The following KAZN variants were observed in gnomAD, a reference collection of about 807,000 sequenced individuals.
The protein encoded by KAZN is kazrin.
In KAZN, 40 loss-of-function variants were observed where a neutral mutation model predicts 87.4. That is an observed-to-expected ratio of 0.46 (90% CI 0.36 to 0.60). The LOEUF (loss-of-function observed/expected upper bound fraction) is 0.60, where lower values mean the gene tolerates loss of function less well. Among genes scored for constraint, KAZN ranks in the 20% least tolerant of loss-of-function variants. The pLI, the probability that KAZN is intolerant of heterozygous loss-of-function variation, is 0.00. For missense variants in KAZN, 898 were observed against 1,073.9 expected (o/e 0.84, Z 2.29); for synonymous variants, 466 against 458.3 (o/e 1.02, Z -0.22).
At chr1:14,649,513 G>A (rs902277082) in intron 1 of KAZN, among the ~76,000 whole-genome samples, 1 of 151,928 alleles carries the variant, frequency 6.6e-6, no homozygotes, top group Non-Finnish European at 1.5e-5. Flanking sequence ...CATAGGCCAC[G>A]TTCACATTTT....
chr1:14,308,641 C>T (rs183213776), intron 2 of KAZN, among the ~76,000 whole-genome samples: 39 of 152,238 alleles, frequency 2.6e-4, no homozygotes, highest in Admixed American at 6.5e-4. Flanking sequence ...GCTGTGTGAC[C>T]TTGGGCAACA....
chr1:14,264,168 CTG>C lies in KAZN; in HGVS notation c.249+83580_249+83581del, dbSNP rs199757972. Among the ~76,000 whole-genome samples, 1,497 of 152,272 alleles carry C rather than the reference CTG, an allele frequency of 9.8e-3. 29 individuals carry two copies. Among genetic ancestry groups the C allele is most frequent in the African/African-American group, 0.032 (1,335 of 41,550 alleles). On this transcript the variant is annotated intron_variant, in intron 2 of 16. Transcript: ENST00000636203. ...AAACACGGCCAAAGTGGCAGCAGGA[CTG>C]TGTTTCTTTCTGCAGGTTCTAAACC...
Position 15,040,581 on chromosome 1 carries a change from C to A in KAZN, c.556-3408C>A, listed in dbSNP as rs553024728. Among the ~76,000 whole-genome samples the A allele has an allele frequency of 2.6e-5, 4 of 152,242 alleles. No homozygotes were observed. In the South Asian group the frequency reaches 8.3e-4, roughly 32 times the overall value. On this transcript the variant is annotated intron_variant, in intron 3 of 14. Coordinates refer to ENST00000376030, the MANE Select transcript of KAZN (RefSeq NM_201628.3). ...AGGAGTCCAACACCAGCCTGGCCAA[C>A]ATGACAAAAGCCTGCCTCTACTAAA...
intron 1 of KAZN, among the ~76,000 whole-genome samples, chr1:14,922,791 C>CAAAA (rs35903866): frequency 5.3e-5 from 4 of 75,522 alleles, no homozygotes; most frequent in Non-Finnish European, 5.2e-5. Flanking sequence ...GACTCTGTCT[C>CAAAA]AAAAAAAAAA....
intron 2 of KAZN, among the ~76,000 whole-genome samples, chr1:14,189,764 G>A (rs1646385506): frequency 6.6e-6 from 1 of 152,154 alleles, no homozygotes; most frequent in Admixed American, 6.5e-5. Flanking sequence ...GCCAGAGTGA[G>A]TGTGAGAAGT....
intron 2 of KAZN, among the ~76,000 whole-genome samples, chr1:14,499,155 T>C (rs1670105800): frequency 6.6e-6 from 1 of 152,072 alleles, no homozygotes; most frequent in Non-Finnish European, 1.5e-5. Context: ...CATGCCAAAG[T>C]GGACATCGGG....
chr1:14,532,308 A>T (rs1037321386), intron 2 of KAZN, among the ~76,000 whole-genome samples: 4 of 152,062 alleles, frequency 2.6e-5, no homozygotes, highest in African/African-American at 9.7e-5. Flanking sequence ...CTCACTCGTG[A>T]TGCTTAAGTC....
intron 2 of KAZN, among the ~76,000 whole-genome samples, chr1:14,422,628 C>T (rs1441699314): frequency 6.6e-6 from 1 of 152,198 alleles, no homozygotes; most frequent in African/African-American, 2.4e-5. Context: ...TGAAAACAGA[C>T]GATGCTTTAT....
At chr1:14,741,073 G>T (rs1644084146) in intron 1 of KAZN, among the ~76,000 whole-genome samples, 1 of 152,192 alleles carries the variant, frequency 6.6e-6, no homozygotes. Context: ...TCTCCCTTGT[G>T]CTACCATGGA....
chr1:15,089,971 G>A lies in KAZN; in HGVS notation c.1223-4209G>A, dbSNP rs141070849. Among the ~76,000 whole-genome samples, 1,265 of 152,278 alleles carry A rather than the reference G, an allele frequency of 8.3e-3. 19 individuals are homozygous for A. The highest frequency in any genetic ancestry group is 0.029 in the African/African-American group (1,209 of 41,548). ...GACAGTCCTTATCTCAAACATGCAA[G>A]CATGAGTTCCCCTCCTTCGTGATTT... On this transcript the variant is annotated intron_variant, in intron 8 of 14. Transcript: ENST00000376030.
chr1:15,067,830 G>T (rs1639319230), intron 8 of KAZN: 1 of 983,116 alleles, frequency 1.0e-6, no homozygotes. Context: ...TACGGAGACA[G>T]ATTTTAGAAA....
intron 1 of KAZN, among the ~76,000 whole-genome samples, chr1:14,756,269 T>C (rs1557457387): frequency 6.6e-6 from 1 of 152,328 alleles, no homozygotes; most frequent in East Asian, 1.9e-4. Context: ...AGCCTGTCTG[T>C]TCATCCTCCA....
chr1:14,004,214 G>T (rs536805771), intron 1 of KAZN, among the ~76,000 whole-genome samples: 31 of 152,098 alleles, frequency 2.0e-4, no homozygotes, highest in African/African-American at 7.5e-4. Context: ...GAAAATGACA[G>T]ATGATATCTA....
At chr1:14,841,387 CAGAGCA>C (rs1475315028) in intron 1 of KAZN, among the ~76,000 whole-genome samples, 1 of 118,732 alleles carries the variant, frequency 8.4e-6, no homozygotes, top group Non-Finnish European at 1.6e-5. Flanking sequence ...GCCTGGGCGA[CAGAGCA>C]AGACTCCGTC....
upstream of KAZN, among the ~76,000 whole-genome samples, chr1:14,596,278 C>G (rs2148588745): frequency 6.6e-6 from 1 of 150,414 alleles, no homozygotes; most frequent in South Asian, 2.1e-4. Context: ...GAGTGCTATA[C>G]CAGAGGTGTG....
intron 2 of KAZN, among the ~76,000 whole-genome samples, chr1:14,242,618 T>G (rs1258331158): frequency 3.3e-5 from 5 of 152,214 alleles, no homozygotes; most frequent in Non-Finnish European, 7.3e-5. Flanking sequence ...AGCATACTAT[T>G]GCAGGAGATG....
At chr1:14,514,579 TA>T (rs1671180049) in intron 2 of KAZN, among the ~76,000 whole-genome samples, 1 of 118,878 alleles carries the variant, frequency 8.4e-6, no homozygotes, top group Non-Finnish European at 1.6e-5. Flanking sequence ...ATATATTTTA[TA>T]TATTTTTTTA....
At chr1:14,350,652 C>T (rs1026037598) in intron 2 of KAZN, among the ~76,000 whole-genome samples, 8 of 152,190 alleles carry the variant, frequency 5.3e-5, no homozygotes, top group African/African-American at 1.2e-4. Flanking sequence ...AATGATCCAT[C>T]GAAGTGTCCA....
chr1:14,010,955 T>A (rs1440720591), intron 1 of KAZN, among the ~76,000 whole-genome samples: 1 of 152,192 alleles, frequency 6.6e-6, no homozygotes, highest in African/African-American at 2.4e-5. Context: ...TTCCCCTTTT[T>A]TTTTGGACCT....
Sources: gnomAD v4.1 joint callset for allele counts (sites outside exome capture counted in the v4.1 genomes callset) on GRCh38, gnomAD v4.1.1 for gene constraint, MANE v1.5 for transcripts, NCBI Gene and HGNC (gene_info 2026-07-23, HGNC 2026-07-21) for gene names.